Variants in SSH2 observed in about 807,000 individuals in gnomAD.
SSH2 encodes the protein protein phosphatase Slingshot homolog 2.
SSH2 carries 37 observed loss-of-function variants against 135.2 expected under a neutral mutation model. That is an observed-to-expected ratio of 0.27 (90% CI 0.21 to 0.36). SSH2 has a LOEUF of 0.36. Among genes scored for constraint, SSH2 ranks in the 10% least tolerant of loss-of-function variants. The probability of loss-of-function intolerance (pLI) is 1.00; values close to 1 mark genes in which losing one functional copy is unlikely to be tolerated. For synonymous variants in SSH2, 628 were observed against 646.2 expected (o/e 0.97, Z 0.43); for missense variants, 1,408 against 1,765.3 (o/e 0.80, Z 3.63).
intron 3 of SSH2, among the ~76,000 whole-genome samples, chr17:29,741,385 A>G (rs2040547970): frequency 6.6e-6 from 1 of 152,190 alleles, no homozygotes; most frequent in South Asian, 2.1e-4. Context: ...CAAAGATTGA[A>G]GCATAAGGAT....
intron 4 of SSH2, among the ~76,000 whole-genome samples, chr17:29,698,632 C>T (rs748267479): frequency 4.6e-5 from 7 of 151,942 alleles, no homozygotes; most frequent in Non-Finnish European, 1.0e-4. Flanking sequence ...ACTAACTACC[C>T]TAGGTGTTGT....
intron 15 of SSH2, among the ~76,000 whole-genome samples, chr17:29,635,373 T>C (rs964810581): frequency 6.6e-6 from 1 of 152,170 alleles, no homozygotes. Context: ...GGCATTTTTT[T>C]GTTAAGATCT....
At chr17:29,910,094 T>C (rs1344585886) in intron 1 of SSH2, among the ~76,000 whole-genome samples, 1 of 152,160 alleles carries the variant, frequency 6.6e-6, no homozygotes, top group Non-Finnish European at 1.5e-5. Context: ...TACAGGTGTG[T>C]GCCACCACAA....
intron 3 of SSH2, among the ~76,000 whole-genome samples, chr17:29,704,804 A>AT (rs567930816): frequency 7.9e-5 from 12 of 152,264 alleles, no homozygotes; most frequent in African/African-American, 2.9e-4. Context: ...AAACTAAATA[A>AT]GCCTTTCAAG....
intron 3 of SSH2, among the ~76,000 whole-genome samples, chr17:29,728,369 A>C (rs1050347051): frequency 1.3e-5 from 2 of 152,238 alleles, no homozygotes; most frequent in Non-Finnish European, 2.9e-5. Context: ...CTCTATAATA[A>C]AAACTATAAC....
At chr17:29,831,496 T>A (rs1410258416) in intron 2 of SSH2, among the ~76,000 whole-genome samples, 1 of 152,170 alleles carries the variant, frequency 6.6e-6, no homozygotes, top group Non-Finnish European at 1.5e-5. Context: ...AAGTGAATTT[T>A]AAAAATTTTC....
rs1359283620 is a variant in SSH2, at chr17:29,628,348, G to A, written c.*2493C>T. Reference sequence around the variant, plus strand: ...TTTTTTTTCCCCACAGTATTAGTGGGTTTTGTCCCATCTTTGTTGTTATTT... The same window carrying A: ...TTTTTTTTCCCCACAGTATTAGTGGATTTTGTCCCATCTTTGTTGTTATTT... On this transcript the variant is annotated 3_prime_UTR_variant, in exon 16 of 16. Transcript: ENST00000540801. 6.6e-6 allele frequency: 1 copy of A among 152,174 alleles called. No homozygotes were observed. Among genetic ancestry groups the A allele is most frequent in the African/African-American group, 2.4e-5 (1 of 41,446 alleles). 9.4% of individuals were successfully genotyped at this position (152,174 alleles called of 1,614,324 possible). A position where few individuals can be genotyped will look rare whatever the true frequency, so the allele number is the denominator to read the frequency against.
At chr17:29,877,197 G>A (rs2066049626) in intron 1 of SSH2, among the ~76,000 whole-genome samples, 1 of 152,052 alleles carries the variant, frequency 6.6e-6, no homozygotes, top group Non-Finnish European at 1.5e-5. Context: ...AGATAAAATG[G>A]CTTTTATCCA....
intron 8 of SSH2, chr17:29,674,040 G>A (rs1009017227): frequency 2.6e-5 from 12 of 456,172 alleles, no homozygotes; most frequent in Non-Finnish European, 5.3e-5. Context: ...AGAGTTACTA[G>A]GACAAAGATC....
At chr17:29,845,802 C>T (rs547123639) in intron 2 of SSH2, among the ~76,000 whole-genome samples, 18 of 152,208 alleles carry the variant, frequency 1.2e-4, no homozygotes, top group Admixed American at 8.5e-4. Flanking sequence ...TCAAGTGATC[C>T]TTTTGCCTTG....
At chr17:29,801,408 C>A (rs983820528) in intron 2 of SSH2, among the ~76,000 whole-genome samples, 1 of 152,120 alleles carries the variant, frequency 6.6e-6, no homozygotes, top group African/African-American at 2.4e-5. Context: ...TTGCTCCAAT[C>A]CAAGTCATCT....
chr17:29,780,098 T>C (rs1475667065), intron 3 of SSH2, among the ~76,000 whole-genome samples: 1 of 151,874 alleles, frequency 6.6e-6, no homozygotes, highest in East Asian at 1.9e-4. Flanking sequence ...GTGTCTGTAA[T>C]CCCAGCTATT....
At chr17:29,650,910 T>C (rs2036556601) in intron 12 of SSH2, 110 bp from the exon 13 acceptor site, 1 of 861,916 alleles carries the variant, frequency 1.2e-6, no homozygotes, top group Non-Finnish European at 1.7e-6. Flanking sequence ...TGAAATTAAA[T>C]ACAAAAATAA....
At chr17:29,900,824 G>A (rs1175219867) in intron 1 of SSH2, among the ~76,000 whole-genome samples, 12 of 152,114 alleles carry the variant, frequency 7.9e-5, no homozygotes, top group Admixed American at 7.9e-4. Context: ...AAAGACACAT[G>A]CACACGTATG....
At chr17:29,684,797 G>C in intron 5 of SSH2, 113 bp from the exon 6 acceptor site, 2 of 887,502 alleles carry the variant, frequency 2.3e-6, no homozygotes. Context: ...AGCAGAGCCA[G>C]TAGTTAGGAG....
intron 2 of SSH2, among the ~76,000 whole-genome samples, chr17:29,802,101 A>G (rs2042259755): frequency 6.6e-6 from 1 of 152,118 alleles, no homozygotes; most frequent in African/African-American, 2.4e-5. Context: ...GCTTTAAGCA[A>G]TCCTCCCACT....
chr17:29,669,881 CT>C (rs571124019), intron 9 of SSH2, among the ~76,000 whole-genome samples: 306 of 133,010 alleles, frequency 2.3e-3, no homozygotes, highest in African/African-American at 2.7e-3. Flanking sequence ...CTAATAAAAT[CT>C]TTTTTTTTTT....
At chr17:29,683,789 AG>A (rs1344416813) in intron 6 of SSH2, among the ~76,000 whole-genome samples, 48 of 151,586 alleles carry the variant, frequency 3.2e-4, no homozygotes, top group African/African-American at 1.1e-3. Context: ...AAAAAAAAAA[AG>A]ACCAAATAGC....
chr17:29,718,731 T>TG (rs2039714285), intron 3 of SSH2, among the ~76,000 whole-genome samples: 1 of 12,928 alleles, frequency 7.7e-5, no homozygotes, highest in Non-Finnish European at 1.8e-4. Flanking sequence ...AGATTTCACC[T>TG]CAAAAAAAAA....
Sources: allele counts gnomAD v4.1 joint callset (sites outside exome capture counted in the v4.1 genomes callset), GRCh38; gene constraint gnomAD v4.1.1; transcripts MANE v1.5; gene names NCBI Gene and HGNC (gene_info 2026-07-23, HGNC 2026-07-21).